Variants in C4orf54 observed in about 807,000 individuals in gnomAD.
C4orf54 encodes uncharacterized protein C4orf54.
C4orf54 carries 67 observed loss-of-function variants against 80.1 expected under a neutral mutation model. The observed-to-expected ratio is 0.84, with a 90% CI of 0.69 to 1.03. C4orf54 has a LOEUF of 1.03. Ranked by LOEUF, C4orf54 falls within the 50% of genes least tolerant of loss-of-function variation. The probability of loss-of-function intolerance (pLI) is 0.00; values close to 1 mark genes in which losing one functional copy is unlikely to be tolerated. For missense variants in C4orf54, 2,434 were observed against 2,253.5 expected, an observed-to-expected ratio of 1.08 and a Z score of -1.62; for synonymous variants, 1,000 against 917.0, an observed-to-expected ratio of 1.09 and a Z score of -1.64.
In C4orf54 at chr4:99,653,952, G is replaced by A; in HGVS notation, c.697C>T (p.Gln233Ter). 1 of 1,536,204 alleles carries A rather than the reference G, an allele frequency of 6.5e-7. No homozygotes were observed. Among genetic ancestry groups the A allele is most frequent in the Non-Finnish European group, 8.7e-7 (1 of 1,146,882 alleles). Residue 233 changes from glutamine to a stop codon, truncating the protein, a stop_gained, in exon 2 of 3, where the codon CAA (glutamine) becomes TAA (stop). Transcript: ENST00000511828. LOFTEE classifies it high-confidence loss of function. The part of the protein sequence containing the change: ...RASRSPKEKA[Q>*]DEPSSKTPSP... ...GGAGTCTTGCTGCTGGGTTCATCTTGGGCTTTCTCCTTTGGGCTCCTAGAG... is the reference window on the plus strand; with the variant it reads ...GGAGTCTTGCTGCTGGGTTCATCTTAGGCTTTCTCCTTTGGGCTCCTAGAG...
intron 2 of C4orf54, among the ~76,000 whole-genome samples, chr4:99,642,049 GT>G (rs1726615656): frequency 6.6e-6 from 1 of 151,964 alleles, no homozygotes; most frequent in Non-Finnish European, 1.5e-5. Flanking sequence ...TTAAATATGT[GT>G]TTTAAAAAAG....
At position 99,652,537 on chromosome 4, in the gene C4orf54, C is replaced by T. The variant is rs1301994329; in HGVS notation, c.2112G>A (p.Gln704=). 2.0e-6 allele frequency: 3 copies of T among 1,536,070 alleles called. No homozygotes were observed. The highest frequency in any genetic ancestry group is 2.4e-5 in the East Asian group (1 of 40,884). The stretch of plus-strand genomic sequence containing the variant: ...GAGACTTCTTGGACTGGATGTAGAG[C>T]TGGTCGGCAGTGGCCCGGGCCCCAC... ...KGSGARATAD[Q]LYIQSKKSQT... The change falls in exon 2 of 3, where the codon CAG becomes CAA. Residue 704 remains glutamine, a synonymous_variant. Transcript: ENST00000511828.
chr4:99,647,300 C>T (rs949035856), intron 2 of C4orf54, among the ~76,000 whole-genome samples: 2 of 152,144 alleles, frequency 1.3e-5, no homozygotes, highest in Non-Finnish European at 2.9e-5. Flanking sequence ...CTTGCTTCTG[C>T]ACCTCCACAG....
In C4orf54 at chr4:99,650,308, AGGTGCCCG is replaced by A; in HGVS notation, c.4333_4340del (p.Arg1445SerfsTer2). On this transcript the variant is annotated frameshift_variant, in exon 2 of 3. Transcript: ENST00000511828. LOFTEE classifies it high-confidence loss of function. ...TTTTCCTGTTGGTCACCTCATCAGG[AGGTGCCCG>A]GGTGGCTGGAGAGATCTTGAGGGAC... The A allele has an allele frequency of 1.3e-6, 2 of 1,536,022 alleles. No homozygotes were observed. Among genetic ancestry groups the A allele is most frequent in the Non-Finnish European group, 1.7e-6 (2 of 1,146,886 alleles).
At position 99,651,169 on chromosome 4, in the gene C4orf54, G is replaced by GT. The variant is rs1267386834; in HGVS notation, c.3479dup (p.Asn1160LysfsTer51). The GT allele has an allele frequency of 2.0e-6, 3 of 1,536,104 alleles. No homozygotes were observed. In the Admixed American group the frequency reaches 5.9e-5, roughly 30 times the overall value. ...CTCGGTCCATGCTGTCTTCCCTCTG[G>GT]TTCACTACAGCCTGGCATGTAATCA... On this transcript the variant is annotated frameshift_variant, in exon 2 of 3. Coordinates refer to ENST00000511828, the MANE Select transcript of C4orf54 (RefSeq NM_001354435.2). LOFTEE classifies it high-confidence loss of function.
In C4orf54 at chr4:99,649,812, G is replaced by T. The variant is rs750267457; in HGVS notation, c.4837C>A (p.Leu1613Ile). The T allele has an allele frequency of 1.2e-5, 19 of 1,536,066 alleles. No homozygotes were observed. In the South Asian group the frequency reaches 1.7e-4, roughly 13 times the overall value. ...TACTGGCCTGTTGTCACATCCAGGA[G>T]CATCTTACGCTGGGTCTGTTGAGGC... is the stretch of plus-strand genomic sequence containing the variant. ...AQPQQTQRKMLLDVTTGQYYL... is the reference protein window; with the variant it reads ...AQPQQTQRKMILDVTTGQYYL... Residue 1613 changes from leucine (L) to isoleucine (I), a missense_variant, in exon 2 of 3, where the codon CTC becomes ATC. Transcript: ENST00000511828.
Position 99,653,810 on chromosome 4 carries a change from T to G in C4orf54, c.839A>C (p.Glu280Ala), listed in dbSNP as rs1726913133. The change falls in exon 2 of 3, where the codon GAG (glutamate) becomes GCG (alanine). Residue 280 changes from glutamate to alanine, a missense_variant. Glu to Ala is a moderately radical substitution (Grantham distance 107). Transcript: ENST00000511828. ...SSSSPMNKAE[E>A]DGLSKMEDST... ...GTCCTCCATTTTGGAAAGGCCATCC[T>G]CTTCTGCTTTGTTCATCGGGGAGGA... 9 of 1,536,156 alleles carry G rather than the reference T, an allele frequency of 5.9e-6. No homozygotes were observed. Among genetic ancestry groups the G allele is most frequent in the East Asian group, 4.9e-5 (2 of 40,902 alleles).
In C4orf54 at chr4:99,653,645, C is replaced by T. The variant is rs1167198144; in HGVS notation, c.1004G>A (p.Gly335Glu). Residue 335 changes from glycine to glutamate, a missense_variant, in exon 2 of 3, where the codon GGA (glycine) becomes GAA (glutamate). Transcript: ENST00000511828. ...ISGGGGGGKGGGGGGAGDGTE... is the reference protein window; with the variant it reads ...ISGGGGGGKGEGGGGAGDGTE... ...TCCATCTCCTGCCCCTCCTCCCCCT[C>T]CTCCTTTTCCTCCTCCCCCTCCTCC... 4.6e-6 allele frequency: 7 copies of T among 1,530,366 alleles called. No individual in the cohort carries two copies. The highest frequency in any genetic ancestry group is 6.1e-6 in the Non-Finnish European group (7 of 1,143,550). 94.8% of individuals were successfully genotyped at this position (1,530,366 alleles called of 1,614,324 possible).
intron 1 of C4orf54, among the ~76,000 whole-genome samples, chr4:99,654,973 T>G (rs913617152): frequency 6.6e-6 from 1 of 152,222 alleles, no homozygotes; most frequent in Non-Finnish European, 1.5e-5. Flanking sequence ...AATTCAAATT[T>G]TTCACGCATT....
intron 2 of C4orf54, among the ~76,000 whole-genome samples, chr4:99,647,865 A>G (rs886098964): frequency 2.0e-5 from 3 of 152,194 alleles, no homozygotes; most frequent in Non-Finnish European, 4.4e-5. Context: ...GCCCAACATC[A>G]CACAGCTGGT....
In C4orf54 at chr4:99,653,921, G is replaced by C; in HGVS notation, c.728C>G (p.Pro243Arg). Residue 243 changes from proline (P) to arginine (R), a missense_variant, in exon 2 of 3, where the codon CCC becomes CGC. Pro to Arg is a moderately radical substitution (Grantham distance 103). Coordinates refer to ENST00000511828, the MANE Select transcript of C4orf54 (RefSeq NM_001354435.2). ...QDEPSSKTPSPQNNPASSQLS... is the reference protein window; with the variant it reads ...QDEPSSKTPSRQNNPASSQLS... ...TTGGGAGGAGGCAGGATTGTTCTGG[G>C]GGCTTGGAGTCTTGCTGCTGGGTTC... 1 of 1,536,238 alleles carries C rather than the reference G, an allele frequency of 6.5e-7. No individual in the cohort carries two copies. Among genetic ancestry groups the C allele is most frequent in the Non-Finnish European group, 8.7e-7 (1 of 1,146,898 alleles).
At position 99,650,313 on chromosome 4, in the gene C4orf54, C is replaced by A. The variant is rs1184679425; in HGVS notation, c.4336G>T (p.Ala1446Ser). 1 of 1,536,058 alleles carries A rather than the reference C, an allele frequency of 6.5e-7. No individual in the cohort carries two copies. The highest frequency in any genetic ancestry group is 1.4e-5 in the African/African-American group (1 of 73,118). ...RSLKISPATR[A>S]PPDEVTNRKS... is the part of the protein sequence containing the mutation. ...CTGTTGGTCACCTCATCAGGAGGTG[C>A]CCGGGTGGCTGGAGAGATCTTGAGG... Residue 1446 changes from alanine to serine, a missense_variant, in exon 2 of 3, where the codon GCA becomes TCA. Transcript: ENST00000511828.
chr4:99,649,601 A>C lies in C4orf54; in HGVS notation c.5048T>G (p.Leu1683Arg). 6.5e-7 allele frequency: 1 copy of C among 1,536,174 alleles called. No individual in the cohort carries two copies. ...GPTYMIYPGF[L>R]PTVLPTNALQ... is the part of the protein sequence containing the mutation. Reference sequence around the variant, plus strand: ...AGCATTGGTGGGCAGCACGGTAGGCAGAAACCCAGGGTAAATCATGTAGGT... The same window carrying C: ...AGCATTGGTGGGCAGCACGGTAGGCCGAAACCCAGGGTAAATCATGTAGGT... Residue 1683 changes from leucine (L) to arginine (R), a missense_variant, in exon 2 of 3, where the codon CTG becomes CGG. Transcript: ENST00000511828.
In C4orf54 at chr4:99,650,585, C is replaced by T. The variant is rs1225866777; in HGVS notation, c.4064G>A (p.Arg1355Lys). ...GGCCAGGTTCTCAAAGGCCGCTGCCCTGGCAGACACACTCTCAGCGCTGGG... is the reference window on the plus strand; with the variant it reads ...GGCCAGGTTCTCAAAGGCCGCTGCCTTGGCAGACACACTCTCAGCGCTGGG... Reference protein sequence around the residue: ...SNPSAESVSARAAAFENLARE... With the variant: ...SNPSAESVSAKAAAFENLARE... The change falls in exon 2 of 3, where the codon AGG becomes AAG. Residue 1355 changes from arginine to lysine, a missense_variant. By Grantham distance (26) the Arg-to-Lys change is conservative. Transcript: ENST00000511828. 3.3e-6 allele frequency: 5 copies of T among 1,535,964 alleles called. No individual in the cohort carries two copies. Among genetic ancestry groups the T allele is most frequent in the Non-Finnish European group, 4.4e-6 (5 of 1,146,910 alleles).
chr4:99,654,242 G>T lies in C4orf54; in HGVS notation c.407C>A (p.Ser136Ter). ...TATGAGCCCTTGCCCAGGTTTCAGC[G>T]ACAGGAAGAGACAATGGTGATCGCT... ...FPSDHHCLFL[S>*]LKPGQGLIME... Residue 136 changes from serine (S) to a stop codon, truncating the protein, a stop_gained, in exon 2 of 3, where the codon TCG (serine) becomes TAG (stop). Transcript: ENST00000511828. LOFTEE classifies it high-confidence loss of function. 6.5e-7 allele frequency: 1 copy of T among 1,536,140 alleles called. No homozygotes were observed. The highest frequency in any genetic ancestry group is 8.7e-7 in the Non-Finnish European group (1 of 1,146,896).
chr4:99,637,535 A>C lies in C4orf54; in HGVS notation c.*3698T>G, dbSNP rs942507220. 1 of 152,174 alleles carries C rather than the reference A, an allele frequency of 6.6e-6. No individual in the cohort carries two copies. Among genetic ancestry groups the C allele is most frequent in the Non-Finnish European group, 1.5e-5 (1 of 68,028 alleles). 9.4% of individuals were successfully genotyped at this position (152,174 alleles called of 1,614,324 possible). A position where few individuals can be genotyped will look rare whatever the true frequency, so the allele number is the denominator to read the frequency against. The stretch of plus-strand genomic sequence containing the variant: ...TATGCACCTGTGAGGTCTACTTAGG[A>C]CCCAGAAGCTAGTTAAGAATATATA... On this transcript the variant is annotated 3_prime_UTR_variant, in exon 3 of 3. Transcript: ENST00000511828.
In C4orf54 at chr4:99,654,609, T is replaced by C. The variant is rs1726949433; in HGVS notation, c.40A>G (p.Thr14Ala). Residue 14 changes from threonine (T) to alanine (A), a missense_variant, in exon 2 of 3, where the codon ACA (threonine) becomes GCA (alanine). Physicochemically the swap from Thr to Ala is moderately conservative, Grantham distance 58. Transcript: ENST00000511828. ...FHFWKSRGQP[T>A]DAASSVADGI... Reference sequence around the variant, plus strand: ...TCGGCCACGGAAGAAGCAGCATCTGTAGGTTGACCCCGGGACTTCCAGAAA... The same window carrying C: ...TCGGCCACGGAAGAAGCAGCATCTGCAGGTTGACCCCGGGACTTCCAGAAA... 4.3e-6 allele frequency: 3 copies of C among 701,242 alleles called. No homozygotes were observed. Among genetic ancestry groups the C allele is most frequent in the Non-Finnish European group, 5.2e-6 (2 of 383,576 alleles). 43.4% of individuals were successfully genotyped at this position (701,242 alleles called of 1,614,324 possible).
rs61130907 is a variant in C4orf54 at position 99,643,792 on chromosome 4, A to ACACACACACCCC, written c.*37-2597_*37-2596insGGGGTGTGTGTG. 5.2e-3 allele frequency among the ~76,000 whole-genome samples: 511 copies of ACACACACACCCC among 98,728 alleles called. 9 individuals are homozygous for ACACACACACCCC. Among genetic ancestry groups the ACACACACACCCC allele is most frequent in the East Asian group, 0.015 (49 of 3,242 alleles). The allele number at this position is 98,728 out of a possible 152,430, so 64.8% of individuals were successfully genotyped here. A position where few individuals can be genotyped will look rare whatever the true frequency, so the allele number is the denominator to read the frequency against. On this transcript the variant is annotated intron_variant, in intron 2 of 2. Coordinates refer to ENST00000511828, the MANE Select transcript of C4orf54 (RefSeq NM_001354435.2). ...CACACACACACACACACACACACAC[A>ACACACACACCCC]CCCCCTCCGCGGCAGTAAAACGGCC...
At position 99,652,847 on chromosome 4, in the gene C4orf54, T is replaced by A. The variant is rs2110256154; in HGVS notation, c.1802A>T (p.Glu601Val). The stretch of plus-strand genomic sequence containing the variant: ...GGCTCCGCTGGAGTAGTCCACCAGC[T>A]CCTTCGCCCGGATGGCCCCGCACCT... ...QTRCGAIRAK[E>V]LVDYSSGASS... is the part of the protein sequence containing the mutation. The change falls in exon 2 of 3, where the codon GAG becomes GTG. Residue 601 changes from glutamate (E) to valine (V), a missense_variant. Transcript: ENST00000511828. 1 of 1,536,082 alleles carries A rather than the reference T, an allele frequency of 6.5e-7. No homozygotes were observed. The highest frequency in any genetic ancestry group is 2.0e-5 in the Admixed American group (1 of 51,000).
Sources: allele counts gnomAD v4.1 joint callset (sites outside exome capture counted in the v4.1 genomes callset), GRCh38; gene constraint gnomAD v4.1.1; transcripts MANE v1.5; gene names NCBI Gene and HGNC (gene_info 2026-07-23, HGNC 2026-07-21).